Variants in KCNQ2 observed in about 807,000 individuals in gnomAD.
KCNQ2 encodes potassium voltage-gated channel subfamily Q member 2, also known as potassium voltage-gated channel subfamily KQT member 2.
A neutral mutation model predicts 84.8 loss-of-function variants in KCNQ2; 14 were observed. That is an observed-to-expected ratio of 0.17 (90% confidence interval 0.11 to 0.26). The LOEUF (loss-of-function observed/expected upper bound fraction) is 0.26. Ranked by LOEUF, KCNQ2 falls within the 10% of genes least tolerant of loss-of-function variation. KCNQ2 has a pLI of 1.00. For missense variants in KCNQ2, 788 were observed against 1,254.0 expected, an observed-to-expected ratio of 0.63 and a Z score of 5.61; for synonymous variants, 599 against 554.1, an observed-to-expected ratio of 1.08 and a Z score of -1.14.
chr20:63,446,864 G>C lies in KCNQ2; in HGVS notation c.297-27C>G. 6.3e-7 allele frequency: 1 copy of C among 1,593,580 alleles called. No individual in the cohort carries two copies. Among genetic ancestry groups the C allele is most frequent in the Non-Finnish European group, 8.6e-7 (1 of 1,162,072 alleles). ...TGGGGGCAGGGAACGCGCGCTCTCA[G>C]ACAGGCCGCAGCAGGGCAGCAGCAT... On this transcript the variant is annotated intron_variant, in intron 1 of 16. Coordinates refer to ENST00000359125, the MANE Select transcript of KCNQ2 (RefSeq NM_172107.4). The surrounding 1 kb of genome is among the most constrained non-coding windows in gnomAD (Gnocchi z 5.5).
At chr20:63,454,954 G>A (rs981829932) in intron 1 of KCNQ2, among the ~76,000 whole-genome samples, 2 of 152,226 alleles carry the variant, frequency 1.3e-5, no homozygotes. Context: ...AGCCCCTCCT[G>A]CACTAAGCTG....
chr20:63,415,142 C>CGGA lies in KCNQ2; in HGVS notation c.1302-17_1302-16insTCC. 1 of 1,495,116 alleles carries CGGA rather than the reference C, an allele frequency of 6.7e-7. No homozygotes were observed. The allele number at this position is 1,495,116 out of a possible 1,614,324, so 92.6% of individuals were successfully genotyped here. ...GACCTTCTGGCTGCTCCCACGGGAA[C>CGGA]CGACAGACAGACAGAAAAACAGGGA... On this transcript the variant is annotated splice_polypyrimidine_tract_variant and intron_variant, in intron 12 of 16. Transcript: ENST00000359125.
At chr20:63,457,190 G>A (rs2081824967) in intron 1 of KCNQ2, among the ~76,000 whole-genome samples, 1 of 152,244 alleles carries the variant, frequency 6.6e-6, no homozygotes, top group African/African-American at 2.4e-5. Context: ...GGGGACAAGG[G>A]CCACGCTCCT....
In KCNQ2 at chr20:63,408,217, C is replaced by G. The variant is rs1389112226; in HGVS notation, c.1887+196G>C. 1 of 686,358 alleles carries G rather than the reference C, an allele frequency of 1.5e-6. No homozygotes were observed. The highest frequency in any genetic ancestry group is 1.8e-5 in the African/African-American group (1 of 55,488). The allele number at this position is 686,358 out of a possible 1,614,324, so 42.5% of individuals were successfully genotyped here. ...GGGTACTGTCAGGAGGGAAGGCACC[C>G]AGGCCGGGGGTGGGAGGCTCACGGT... On this transcript the variant is annotated intron_variant, in intron 16 of 16. Coordinates refer to ENST00000359125, the MANE Select transcript of KCNQ2 (RefSeq NM_172107.4). This position sits in a 1 kb window ranked among gnomAD's most constrained non-coding sequence, Gnocchi z 5.0.
chr20:63,420,287 G>A (rs554092774), intron 11 of KCNQ2, among the ~76,000 whole-genome samples: 142 of 152,340 alleles, frequency 9.3e-4, no homozygotes, highest in Middle Eastern at 3.4e-3. Flanking sequence ...CTTCAGGAGC[G>A]CAGCTCCCCG....
chr20:63,467,022 G>A (rs2082099709), intron 1 of KCNQ2, among the ~76,000 whole-genome samples: 2 of 152,234 alleles, frequency 1.3e-5, no homozygotes, highest in South Asian at 4.1e-4. Context: ...CTCCCCCGGG[G>A]GACATCGCAG....
chr20:63,409,975 AG>A (rs1277359744), intron 15 of KCNQ2: 1 of 253,606 alleles, frequency 3.9e-6, no homozygotes, highest in Admixed American at 5.5e-5. Context: ...CTCTGATGGG[AG>A]GGGGGAGGGT....
At chr20:63,442,875 TTATCAC>T (rs2081242482) in intron 4 of KCNQ2, among the ~76,000 whole-genome samples, 4 of 2,328 alleles carry the variant, frequency 1.7e-3, no homozygotes, top group East Asian at 0.025. Context: ...ACCATCACCA[TTATCAC>T]CACCACCATC....
At chr20:63,429,042 C>G (rs1292994049) in intron 9 of KCNQ2, among the ~76,000 whole-genome samples, 1 of 152,020 alleles carries the variant, frequency 6.6e-6, no homozygotes, top group Non-Finnish European at 1.5e-5. Context: ...GTCATACCCA[C>G]CCCTGTCTTC....
intron 15 of KCNQ2, chr20:63,409,904 G>A (rs1024093799): frequency 3.0e-5 from 4 of 132,178 alleles, no homozygotes; most frequent in African/African-American, 1.3e-4. Flanking sequence ...TCCTGCCACT[G>A]GGCTGCCCTA....
chr20:63,456,522 A>G (rs61058914), intron 1 of KCNQ2, among the ~76,000 whole-genome samples: 24,093 of 152,082 alleles, frequency 0.16, 2,564 homozygotes, highest in East Asian at 0.46. Flanking sequence ...GGAAGGCGTC[A>G]CCACCTCACC....
intron 1 of KCNQ2, among the ~76,000 whole-genome samples, chr20:63,465,037 C>T (rs542217636): frequency 4.6e-4 from 70 of 152,362 alleles, no homozygotes; most frequent in African/African-American, 1.6e-3. Context: ...AATGTCGACC[C>T]CAAAGCTCTC....
intron 6 of KCNQ2, among the ~76,000 whole-genome samples, chr20:63,439,118 A>G (rs1317588511): frequency 6.6e-6 from 1 of 152,198 alleles, no homozygotes; most frequent in Non-Finnish European, 1.5e-5. Flanking sequence ...TGAAGGGCAC[A>G]CAGTGAAGGG....
chr20:63,442,654 CA>C (rs2081203021), intron 4 of KCNQ2, 123 bp from the exon 5 acceptor site: 12 of 719,288 alleles, frequency 1.7e-5, no homozygotes, highest in South Asian at 4.4e-5. Flanking sequence ...AAACCATCAC[CA>C]CCACCATCAC....
At chr20:63,465,379 T>G (rs2082053921) in intron 1 of KCNQ2, among the ~76,000 whole-genome samples, 1 of 152,178 alleles carries the variant, frequency 6.6e-6, no homozygotes, top group Non-Finnish European at 1.5e-5. Context: ...CCACCCGCCT[T>G]GTGCTGGCCG....
chr20:63,450,083 C>T (rs2081562065), intron 1 of KCNQ2, among the ~76,000 whole-genome samples: 1 of 150,990 alleles, frequency 6.6e-6, no homozygotes, highest in South Asian at 2.1e-4. Context: ...CCCCTCACCC[C>T]GCCTCACCCC....
intron 1 of KCNQ2, among the ~76,000 whole-genome samples, chr20:63,449,754 C>G (rs1051805743): frequency 4.6e-5 from 7 of 152,228 alleles, no homozygotes; most frequent in Admixed American, 1.3e-4. Flanking sequence ...GCCCCAGTGT[C>G]TGCGGCCTGC....
intron 1 of KCNQ2, among the ~76,000 whole-genome samples, chr20:63,465,962 C>T (rs1057458801): frequency 6.6e-6 from 1 of 152,292 alleles, no homozygotes; most frequent in East Asian, 1.9e-4. Flanking sequence ...GGCGGCCCGG[C>T]GGGTTCTCTG....
At chr20:63,409,428 G>A (rs994687763) in intron 15 of KCNQ2, among the ~76,000 whole-genome samples, 1 of 152,230 alleles carries the variant, frequency 6.6e-6, no homozygotes. Flanking sequence ...CAGGGACGGG[G>A]GCTTCTGACC....
Sources: allele counts gnomAD v4.1 joint callset (sites outside exome capture counted in the v4.1 genomes callset), GRCh38; gene constraint gnomAD v4.1.1; non-coding constraint Gnocchi (gnomAD v3.1); transcripts MANE v1.5; gene names NCBI Gene and HGNC (gene_info 2026-07-23, HGNC 2026-07-21).